Variants in NKAIN2 observed in about 807,000 individuals in gnomAD.
The protein encoded by NKAIN2 is sodium/potassium-transporting ATPase subunit beta-1-interacting protein 2.
In NKAIN2, 14 loss-of-function variants were observed where a neutral mutation model predicts 32.6. That is an observed-to-expected ratio of 0.43 (90% CI 0.28 to 0.67). The LOEUF (loss-of-function observed/expected upper bound fraction) is 0.67, where lower values mean the gene tolerates loss of function less well. NKAIN2 is among the 30% of genes least tolerant of loss of function. NKAIN2 has a pLI of 0.17. For missense variants in NKAIN2, 198 were observed against 258.3 expected (o/e 0.77, Z 1.60); for synonymous variants, 80 against 87.2 (o/e 0.92, Z 0.46).
chr6:124,603,777 C>T (rs1782396287), intron 3 of NKAIN2, among the ~76,000 whole-genome samples: 1 of 151,906 alleles, frequency 6.6e-6, no homozygotes. Context: ...CCCGGGAAAA[C>T]CCAGATGTGT....
chr6:124,401,497 G>C (rs1220574006), intron 3 of NKAIN2, among the ~76,000 whole-genome samples: 1 of 152,124 alleles, frequency 6.6e-6, no homozygotes, highest in Non-Finnish European at 1.5e-5. Context: ...TTGTGACAGA[G>C]ACCATATAGC....
chr6:124,545,929 A>C (rs1780079916), intron 3 of NKAIN2, among the ~76,000 whole-genome samples: 1 of 152,126 alleles, frequency 6.6e-6, no homozygotes, highest in Non-Finnish European at 1.5e-5. Flanking sequence ...ACACATTAGA[A>C]GTAAGTAGCA....
At chr6:124,612,018 T>A (rs1782709409) in intron 3 of NKAIN2, among the ~76,000 whole-genome samples, 1 of 152,168 alleles carries the variant, frequency 6.6e-6, no homozygotes, top group African/African-American at 2.4e-5. Flanking sequence ...TTCCAGTTTT[T>A]TTTAAGCCCT....
intron 2 of NKAIN2, among the ~76,000 whole-genome samples, chr6:124,315,435 G>A (rs1367571483): frequency 1.3e-5 from 2 of 148,568 alleles, no homozygotes; most frequent in Non-Finnish European, 3.0e-5. Flanking sequence ...TAGGATAGTG[G>A]CACAAAAAGA....
intron 1 of NKAIN2, among the ~76,000 whole-genome samples, chr6:124,023,859 A>C (rs1274793632): frequency 6.6e-6 from 1 of 152,076 alleles, no homozygotes; most frequent in African/African-American, 2.4e-5. Flanking sequence ...TAAGAAAATT[A>C]ACAAATATGG....
At chr6:124,186,153 AAGGGAGGG>A (rs562121942) in intron 1 of NKAIN2, among the ~76,000 whole-genome samples, 1 of 126,944 alleles carries the variant, frequency 7.9e-6, no homozygotes, top group Non-Finnish European at 1.6e-5. Flanking sequence ...GGAAGGAAGG[AAGGGAGGG>A]AGGGAGGGAG....
At chr6:124,055,188 AT>A (rs1782590177) in intron 1 of NKAIN2, among the ~76,000 whole-genome samples, 1 of 152,040 alleles carries the variant, frequency 6.6e-6, no homozygotes, top group South Asian at 2.1e-4. Context: ...AATTCCACAG[AT>A]TTTGGTAATC....
intron 3 of NKAIN2, among the ~76,000 whole-genome samples, chr6:124,513,828 A>C (rs1391406192): frequency 6.6e-6 from 1 of 152,152 alleles, no homozygotes; most frequent in Non-Finnish European, 1.5e-5. Flanking sequence ...TATATCCTTT[A>C]ACCTAACCGG....
intron 1 of NKAIN2, among the ~76,000 whole-genome samples, chr6:124,078,292 C>A (rs1208280340): frequency 6.6e-6 from 1 of 151,812 alleles, no homozygotes; most frequent in Non-Finnish European, 1.5e-5. Flanking sequence ...TTTGGCCTAG[C>A]TGAAAATAAT....
chr6:124,499,527 A>T (rs1280079009), intron 3 of NKAIN2, among the ~76,000 whole-genome samples: 1 of 152,206 alleles, frequency 6.6e-6, no homozygotes, highest in Non-Finnish European at 1.5e-5. Flanking sequence ...CAACTCAGAA[A>T]CATAGGTCAG....
chr6:124,794,073 T>C (rs543212327), intron 5 of NKAIN2, among the ~76,000 whole-genome samples: 3 of 152,202 alleles, frequency 2.0e-5, no homozygotes, highest in African/African-American at 7.2e-5. Context: ...ATGAAATTCA[T>C]GTTCACTGTG....
At chr6:124,291,158 C>A (rs1444445136) in intron 2 of NKAIN2, among the ~76,000 whole-genome samples, 1 of 152,080 alleles carries the variant, frequency 6.6e-6, no homozygotes, top group East Asian at 1.9e-4. Flanking sequence ...GTGCAGAATT[C>A]AGGGTTGAAA....
intron 3 of NKAIN2, among the ~76,000 whole-genome samples, chr6:124,399,476 C>G (rs928932779): frequency 6.6e-6 from 1 of 152,144 alleles, no homozygotes; most frequent in African/African-American, 2.4e-5. Context: ...TTAGAGAAAC[C>G]TCTAACACTC....
At chr6:124,446,585 C>T (rs990793155) in intron 3 of NKAIN2, among the ~76,000 whole-genome samples, 7 of 152,086 alleles carry the variant, frequency 4.6e-5, no homozygotes, top group African/African-American at 1.7e-4. Flanking sequence ...TGGAGCAATC[C>T]TGCCACCTTG....
intron 1 of NKAIN2, among the ~76,000 whole-genome samples, chr6:124,048,706 A>G (rs1782259396): frequency 6.6e-6 from 1 of 152,106 alleles, no homozygotes; most frequent in African/African-American, 2.4e-5. Context: ...TTATCAATTG[A>G]TTGAAAGCAA....
At chr6:124,446,107 G>A (rs1441025265) in intron 3 of NKAIN2, among the ~76,000 whole-genome samples, 1 of 152,040 alleles carries the variant, frequency 6.6e-6, no homozygotes, top group Non-Finnish European at 1.5e-5. Flanking sequence ...GTTCACCAAG[G>A]CATGGCAAGA....
intron 1 of NKAIN2, among the ~76,000 whole-genome samples, chr6:124,147,675 G>T (rs9388304): frequency 6.6e-6 from 1 of 151,886 alleles, no homozygotes; most frequent in Non-Finnish European, 1.5e-5. Flanking sequence ...TGCTATCAAA[G>T]TGACTTTTTT....
chr6:123,842,070 G>C (rs1173179617), intron 1 of NKAIN2, among the ~76,000 whole-genome samples: 1 of 152,196 alleles, frequency 6.6e-6, no homozygotes, highest in African/African-American at 2.4e-5. Flanking sequence ...ACCAACATCA[G>C]TAGACATCTG....
At chr6:124,398,234 CAG>C (rs10574616) in intron 3 of NKAIN2, among the ~76,000 whole-genome samples, 1 of 109,214 alleles carries the variant, frequency 9.2e-6, no homozygotes, top group African/African-American at 4.4e-5. Flanking sequence ...GCCTGGGTGA[CAG>C]AGAGAGACTG....
Sources: gnomAD v4.1 joint callset for allele counts (sites outside exome capture counted in the v4.1 genomes callset) on GRCh38, gnomAD v4.1.1 for gene constraint, MANE v1.5 for transcripts, NCBI Gene and HGNC (gene_info 2026-07-23, HGNC 2026-07-21) for gene names.